NUP210L: variants seen among roughly 807,000 people sequenced by gnomAD.
NUP210L encodes nucleoporin 210 like.
NUP210L carries 74 observed loss-of-function variants against 208.5 expected under a neutral mutation model. The ratio of observed to expected loss-of-function variants is 0.35; its 90% confidence interval spans 0.29 to 0.43. NUP210L has a LOEUF of 0.43. NUP210L is among the 20% of genes least tolerant of loss of function. NUP210L has a pLI of 1.00. For missense variants in NUP210L, 1,843 were observed against 2,289.4 expected (o/e 0.81, Z 3.98); for synonymous variants, 780 against 816.9 (o/e 0.95, Z 0.77).
At chr1:154,118,807 T>C (rs1472203094) in exon 11 of NUP210L, 2 of 1,553,232 alleles carry the variant, frequency 1.3e-6, no homozygotes, top group Admixed American at 1.7e-5. Flanking sequence ...AATATCTTTA[T>C]TCTATAAGAG....
chr1:154,125,178 G>A (rs1042609146), intron 10 of NUP210L, among the ~76,000 whole-genome samples: 6 of 151,980 alleles, frequency 3.9e-5, no homozygotes, highest in Admixed American at 2.0e-4. Flanking sequence ...GGCCGGTTGT[G>A]GTGGCTCATG....
rs528494343 is a variant in NUP210L at position 154,095,059 on chromosome 1, C to T, written c.2063G>A (p.Arg688Gln). 45 of 1,614,106 alleles carry T rather than the reference C, an allele frequency of 2.8e-5. No individual in the cohort carries two copies. Among genetic ancestry groups the T allele is most frequent in the East Asian group, 8.9e-5 (4 of 44,880 alleles). The change falls in exon 15 of 40, where the codon CGA (arginine) becomes CAA (glutamine). Residue 688 changes from arginine to glutamine, a missense_variant. By Grantham distance (43) the Arg-to-Gln change is conservative. Transcript: ENST00000368559. ...CTCCGCATTCAATTCCAAAAAAAAT[C>T]GGGAGGGCTCCAAGATCCATGGACG...
At position 154,013,614 on chromosome 1, in the gene NUP210L, C is replaced by A. The variant is rs535490600; in HGVS notation, c.4654-1244G>T. Among the ~76,000 whole-genome samples the A allele has an allele frequency of 3.3e-5, 5 of 151,276 alleles. No homozygotes were observed. In the East Asian group the frequency reaches 9.7e-4, roughly 29 times the overall value. ...AACAAACAAACAAAAACAAAAAAAA[C>A]ACACAAAAAAAACAACTGCAACTTT... is the stretch of plus-strand genomic sequence containing the variant. On this transcript the variant is annotated intron_variant, in intron 33 of 39. Coordinates refer to ENST00000368559, the Ensembl canonical transcript of NUP210L.
chr1:153,999,887 C>T (rs1650111342), intron 37 of NUP210L, among the ~76,000 whole-genome samples: 2 of 150,402 alleles, frequency 1.3e-5, no homozygotes, highest in Admixed American at 6.6e-5. Context: ...TGCAGTGGCA[C>T]AATCACAGTT....
At chr1:154,104,061 G>A in exon 13 of NUP210L, 1 of 1,614,048 alleles carries the variant, frequency 6.2e-7, no homozygotes, top group Non-Finnish European at 8.5e-7. Flanking sequence ...TCAGATCCAA[G>A]GATAAATGAG....
intron 2 of NUP210L, among the ~76,000 whole-genome samples, chr1:154,149,708 CA>C (rs1367842503): frequency 1.3e-5 from 2 of 151,204 alleles, no homozygotes; most frequent in African/African-American, 4.9e-5. Context: ...AACCCTGTCC[CA>C]AAAAATAAAA....
chr1:154,089,472 C>A lies in NUP210L; in HGVS notation c.2310G>T (p.Lys770Asn), dbSNP rs1032289570. The change falls in exon 16 of 40, where the codon AAG becomes AAT. Residue 770 changes from lysine to asparagine, a missense_variant. This residue lies in a region of NUP210L where 408 missense variants were observed against 600.8 expected (regional missense o/e 0.68). Transcript: ENST00000368559. ...GACATGGCTGGGCACCAGCTGGCACCTTGTATACTGGAGTTACTGACATAC... is the reference window on the plus strand; with the variant it reads ...GACATGGCTGGGCACCAGCTGGCACATTGTATACTGGAGTTACTGACATAC... 6.2e-7 allele frequency: 1 copy of A among 1,613,968 alleles called. No homozygotes were observed. The highest frequency in any genetic ancestry group is 1.3e-5 in the African/African-American group (1 of 74,896).
At chr1:154,103,920 T>C in intron 13 of NUP210L, 92 bp downstream of exon 13, 1 of 1,005,772 alleles carries the variant, frequency 9.9e-7, no homozygotes, top group Non-Finnish European at 1.5e-6. Context: ...GATTGCTTCC[T>C]TAAAGACAAA....
intron 10 of NUP210L, among the ~76,000 whole-genome samples, chr1:154,125,365 G>T (rs1401535897): frequency 6.6e-6 from 1 of 151,308 alleles, no homozygotes; most frequent in Admixed American, 6.6e-5. Context: ...TAGGAGAATC[G>T]CTTGAACCCA....
At chr1:154,121,376 A>G (rs547205925) in intron 10 of NUP210L, among the ~76,000 whole-genome samples, 13 of 152,282 alleles carry the variant, frequency 8.5e-5, no homozygotes, top group African/African-American at 1.9e-4. Context: ...TGGAGCACCT[A>G]TCTATGATAA....
chr1:154,015,684 C>T (rs1333903785), intron 33 of NUP210L, among the ~76,000 whole-genome samples: 1 of 151,718 alleles, frequency 6.6e-6, no homozygotes, highest in African/African-American at 2.4e-5. Flanking sequence ...TCCGCCACTA[C>T]ATTCCAGCTT....
At chr1:154,092,966 C>T (rs1228183923) in intron 15 of NUP210L, among the ~76,000 whole-genome samples, 4 of 152,100 alleles carry the variant, frequency 2.6e-5, no homozygotes, top group African/African-American at 4.8e-5. Flanking sequence ...CTCAAGTGAT[C>T]CTCCTGCCTT....
chr1:154,063,401 G>A (rs1223724996), intron 17 of NUP210L, among the ~76,000 whole-genome samples: 3 of 152,076 alleles, frequency 2.0e-5, no homozygotes, highest in African/African-American at 7.2e-5. Flanking sequence ...AGTTGTTGAG[G>A]GTGAGAAAAA....
chr1:154,042,253 C>T (rs1652925966), intron 27 of NUP210L, among the ~76,000 whole-genome samples: 1 of 152,086 alleles, frequency 6.6e-6, no homozygotes, highest in African/African-American at 2.4e-5. Context: ...GTGCATGCCA[C>T]TATGCCTGGC....
In NUP210L at chr1:154,022,023, C is replaced by G; in HGVS notation, c.4516+103G>C. The G allele has an allele frequency of 4.8e-6, 5 of 1,049,864 alleles. No individual in the cohort carries two copies. In the South Asian group the frequency reaches 7.0e-5, roughly 15 times the overall value. The allele number at this position is 1,049,864 out of a possible 1,614,324, so 65.0% of individuals were successfully genotyped here. A position where few individuals can be genotyped will look rare whatever the true frequency, so the allele number is the denominator to read the frequency against. On this transcript the variant is annotated intron_variant, in intron 32 of 39. Coordinates refer to ENST00000368559, the Ensembl canonical transcript of NUP210L. ...GGGCTGAGATTATGGGTATAAACCA[C>G]TATACCAGTCCAAGGGATTAATAAC...
chr1:154,006,546 T>G (rs959102449), intron 35 of NUP210L, among the ~76,000 whole-genome samples: 26 of 151,734 alleles, frequency 1.7e-4, no homozygotes, highest in African/African-American at 6.3e-4. Context: ...CAGGCTGGAG[T>G]GAAGTGGCAC....
intron 30 of NUP210L, among the ~76,000 whole-genome samples, chr1:154,024,276 G>C (rs896403072): frequency 1.3e-5 from 2 of 152,136 alleles, no homozygotes; most frequent in African/African-American, 2.4e-5. Flanking sequence ...TGAAGCCCGC[G>C]TTTGAATCAT....
intron 17 of NUP210L, among the ~76,000 whole-genome samples, chr1:154,068,546 G>C (rs1347593609): frequency 2.0e-5 from 3 of 152,034 alleles, no homozygotes; most frequent in Non-Finnish European, 4.4e-5. Context: ...TGGGTGTGGT[G>C]GTGGGCGCCT....
chr1:154,095,818 T>C (rs1656150537), intron 14 of NUP210L, among the ~76,000 whole-genome samples: 1 of 152,218 alleles, frequency 6.6e-6, no homozygotes, highest in Non-Finnish European at 1.5e-5. Context: ...GTAGACAAGA[T>C]AGGTATTACT....
Sources: allele counts gnomAD v4.1 joint callset (sites outside exome capture counted in the v4.1 genomes callset), GRCh38; gene constraint gnomAD v4.1.1; regional missense constraint gnomAD v4.1.1; transcripts MANE v1.5; gene names NCBI Gene and HGNC (gene_info 2026-07-23, HGNC 2026-07-21).